Variants in ING5 observed in about 807,000 individuals in gnomAD.
ING5 encodes the protein inhibitor of growth protein 5.
In ING5, 17 loss-of-function variants were observed where a neutral mutation model predicts 37.4. That is an observed-to-expected ratio of 0.45 (90% CI 0.31 to 0.68). ING5 has a LOEUF of 0.68. Ranked by LOEUF, ING5 falls within the 30% of genes least tolerant of loss-of-function variation. The pLI, the probability that ING5 is intolerant of heterozygous loss-of-function variation, is 0.05. For synonymous variants in ING5, 123 were observed against 116.6 expected, an observed-to-expected ratio of 1.06 and a Z score of -0.36; for missense variants, 233 against 311.9, an observed-to-expected ratio of 0.75 and a Z score of 1.91.
At chr2:241,697,485 T>C (rs1056894219), upstream of ING5, among the ~76,000 whole-genome samples, 1 of 149,354 alleles carries the variant, frequency 6.7e-6, no homozygotes, top group East Asian at 1.9e-4. Flanking sequence ...CATCCGGACG[T>C]TGGAATATTT....
chr2:241,725,015 A>C lies in ING5; in HGVS notation c.707A>C (p.Lys236Thr). ...TTCTGTCCACGGTGTGTCCAGGAAA[A>C]GAGGAAGAAGAAGTAGGAGGAGCTG... ...KWFCPRCVQE[K>T]RKKK Residue 236 changes from lysine to threonine, a missense_variant, in exon 8 of 8, where the codon AAG becomes ACG. By Grantham distance (78) the Lys-to-Thr change is moderately conservative. Around this residue, in one of 4 missense-constraint regions of ING5, gnomAD observed 45 missense variants for 98.2 expected, o/e 0.46. Coordinates refer to ENST00000313552, the MANE Select transcript of ING5 (RefSeq NM_032329.6). 1 of 1,614,120 alleles carries C rather than the reference A, an allele frequency of 6.2e-7. No individual in the cohort carries two copies. The highest frequency in any genetic ancestry group is 8.5e-7 in the Non-Finnish European group (1 of 1,179,964).
chr2:241,720,903 G>C (rs2070414786), intron 5 of ING5: 3 of 985,616 alleles, frequency 3.0e-6, no homozygotes, highest in Non-Finnish European at 3.6e-6. Context: ...TGAGAGGCCA[G>C]TGAGGCCTGC....
intron 5 of ING5, among the ~76,000 whole-genome samples, chr2:241,715,034 C>T: frequency 6.6e-6 from 1 of 152,162 alleles, no homozygotes; most frequent in African/African-American, 2.4e-5. Context: ...ACTATTCTAG[C>T]TTTTTAAGGT....
chr2:241,701,120 A>ATTT (rs529886209), upstream of ING5, among the ~76,000 whole-genome samples: 1,358 of 136,458 alleles, frequency 1.0e-2, 34 homozygotes, highest in African/African-American at 0.032. Context: ...CGCTTGGCTA[A>ATTT]TTTTTTTTTT....
chr2:241,702,328 A>T (rs1324691030), intron 1 of ING5, among the ~76,000 whole-genome samples: 1 of 149,654 alleles, frequency 6.7e-6, no homozygotes, highest in Admixed American at 6.6e-5. Context: ...CGCCAATTCC[A>T]GGTGCGTCAC....
chr2:241,722,367 G>A, intron 5 of ING5: 1 of 985,400 alleles, frequency 1.0e-6, no homozygotes, highest in Non-Finnish European at 1.2e-6. Flanking sequence ...GGACCGAGAT[G>A]AGAGTGGACT....
At chr2:241,714,837 C>T (rs2070218813) in intron 5 of ING5, among the ~76,000 whole-genome samples, 1 of 152,158 alleles carries the variant, frequency 6.6e-6, no homozygotes, top group South Asian at 2.1e-4. Context: ...CTCAAGCAGT[C>T]CGCCTGCCTC....
intron 2 of ING5, among the ~76,000 whole-genome samples, chr2:241,705,324 C>T (rs1341279867): frequency 2.0e-5 from 3 of 151,082 alleles, no homozygotes; most frequent in Admixed American, 6.6e-5. Context: ...ATGATCTGCC[C>T]GCCTCAGCCT....
chr2:241,695,754 A>T (rs1371347612), intron 2 of ING5, among the ~76,000 whole-genome samples: 1 of 152,218 alleles, frequency 6.6e-6, no homozygotes, highest in African/African-American at 2.4e-5. Context: ...TAATGGGAAC[A>T]GATACTTGCA....
At chr2:241,712,523 A>G (rs1212421430) in intron 5 of ING5, 1 of 154,908 alleles carries the variant, frequency 6.5e-6, no homozygotes, top group Non-Finnish European at 1.4e-5. Context: ...TTATGTGGCC[A>G]CATTTATTAA....
At chr2:241,701,098 C>A (rs951803504), upstream of ING5, among the ~76,000 whole-genome samples, 2 of 150,010 alleles carry the variant, frequency 1.3e-5, no homozygotes, top group East Asian at 4.0e-4. Flanking sequence ...GGACTACAGG[C>A]GTGCGCCACC....
rs751327880 is a variant in ING5 at position 241,723,253 on chromosome 2, C to T, written c.662C>T (p.Thr221Met). Reference sequence around the variant, plus strand: ...CACTTTGCCTGCGTGGACCTTACCACGAAACCCAAAGGAAAATGGTGAGTG... The same window carrying T: ...CACTTTGCCTGCGTGGACCTTACCATGAAACCCAAAGGAAAATGGTGAGTG... Reference protein sequence around the residue: ...WFHFACVDLTTKPKGKWFCPR... With the variant: ...WFHFACVDLTMKPKGKWFCPR... The change falls in exon 7 of 8, where the codon ACG becomes ATG. Residue 221 changes from threonine (T) to methionine (M), a missense_variant. Around this residue, in one of 4 missense-constraint regions of ING5, gnomAD observed 45 missense variants for 98.2 expected, o/e 0.46. Transcript: ENST00000313552. The T allele has an allele frequency of 9.3e-6, 15 of 1,614,126 alleles. No homozygotes were observed. Among genetic ancestry groups the T allele is most frequent in the African/African-American group, 8.0e-5 (6 of 74,950 alleles).
intron 4 of ING5, 105 bp from the exon 5 acceptor site, chr2:241,711,873 C>G (rs1416944928): frequency 1.9e-6 from 2 of 1,048,280 alleles, no homozygotes; most frequent in Non-Finnish European, 2.7e-6. Context: ...TGCACTCCAG[C>G]CAGCCTGGGA....
chr2:241,692,375 C>T (rs766124406), intron 2 of ING5, among the ~76,000 whole-genome samples: 1 of 151,790 alleles, frequency 6.6e-6, no homozygotes, highest in Admixed American at 6.6e-5. Flanking sequence ...GTGGCACAAT[C>T]GTAGCTCACT....
intron 4 of ING5, 41 bp downstream of exon 4, chr2:241,711,529 A>T: frequency 2.2e-6 from 3 of 1,365,830 alleles, no homozygotes; most frequent in Non-Finnish European, 1.0e-6. Flanking sequence ...ATTACTGTTA[A>T]CTATGGAGTT....
intron 5 of ING5, chr2:241,712,438 T>A (rs2070139621): frequency 5.2e-6 from 1 of 193,886 alleles, no homozygotes. Context: ...AGACCACTCT[T>A]TAAGTAGCTA....
chr2:241,697,471 G>A (rs2069647766), upstream of ING5, among the ~76,000 whole-genome samples: 1 of 151,618 alleles, frequency 6.6e-6, no homozygotes, highest in African/African-American at 2.4e-5. Flanking sequence ...GGTAAACTGT[G>A]GAACATCCGG....
chr2:241,717,076 CA>C (rs1289952586), intron 5 of ING5, among the ~76,000 whole-genome samples: 1 of 150,142 alleles, frequency 6.7e-6, no homozygotes, highest in Non-Finnish European at 1.5e-5. Flanking sequence ...TGGTAACCTT[CA>C]TTTTTTTTTT....
At chr2:241,690,796 C>G (rs2124847504) in intron 2 of ING5, 1 of 389,756 alleles carries the variant, frequency 2.6e-6, no homozygotes, top group Admixed American at 4.5e-5. Flanking sequence ...ATTAGGTTCT[C>G]TGCTTGCTTT....
Sources: gnomAD v4.1 joint callset for allele counts (sites outside exome capture counted in the v4.1 genomes callset) on GRCh38, gnomAD v4.1.1 for gene constraint, gnomAD v4.1.1 regional missense constraint, MANE v1.5 for transcripts, NCBI Gene and HGNC (gene_info 2026-07-23, HGNC 2026-07-21) for gene names.